Variants in CAMK1D observed in about 807,000 individuals in gnomAD.
CAMK1D encodes calcium/calmodulin dependent protein kinase ID.
In CAMK1D, 9 loss-of-function variants were observed where a neutral mutation model predicts 47.7. That is an observed-to-expected ratio of 0.19 (90% CI 0.11 to 0.33). The LOEUF is 0.33. Ranked by LOEUF, CAMK1D falls within the 10% of genes least tolerant of loss-of-function variation. CAMK1D has a pLI of 1.00. For missense variants in CAMK1D, 291 were observed against 488.7 expected (o/e 0.60, Z 3.81); for synonymous variants, 184 against 184.9 (o/e 0.99, Z 0.04).
chr10:12,501,096 G>A (rs777629514), intron 1 of CAMK1D, among the ~76,000 whole-genome samples: 3 of 152,210 alleles, frequency 2.0e-5, no homozygotes, highest in Admixed American at 6.5e-5. Flanking sequence ...ACTCCACCTC[G>A]CCCTCAACTC....
chr10:12,723,839 C>T (rs977564221), intron 3 of CAMK1D, among the ~76,000 whole-genome samples: 1 of 152,016 alleles, frequency 6.6e-6, no homozygotes, highest in African/African-American at 2.4e-5. Flanking sequence ...ATACATGTGC[C>T]ATGTTGGTGT....
chr10:12,599,117 G>A (rs11818444), intron 2 of CAMK1D, among the ~76,000 whole-genome samples: 5 of 152,202 alleles, frequency 3.3e-5, no homozygotes, highest in Admixed American at 6.5e-5. Flanking sequence ...CCAATAACTC[G>A]CATATAATGA....
chr10:12,591,960 A>G (rs773228935), intron 2 of CAMK1D, among the ~76,000 whole-genome samples: 4 of 152,080 alleles, frequency 2.6e-5, no homozygotes, highest in Non-Finnish European at 5.9e-5. Context: ...CCAAAGTGCT[A>G]GGATTACAGG....
At chr10:12,396,232 C>T (rs1449486783) in intron 1 of CAMK1D, among the ~76,000 whole-genome samples, 4 of 152,162 alleles carry the variant, frequency 2.6e-5, no homozygotes, top group Non-Finnish European at 5.9e-5. Flanking sequence ...TAACTCGGAG[C>T]AGCAGTGAAT....
intron 2 of CAMK1D, among the ~76,000 whole-genome samples, chr10:12,621,016 G>T (rs1260094974): frequency 2.6e-5 from 4 of 152,210 alleles, no homozygotes; most frequent in African/African-American, 9.7e-5. Context: ...TGTTGCCCCA[G>T]TTGTTCCAGC....
intron 1 of CAMK1D, among the ~76,000 whole-genome samples, chr10:12,366,403 C>T (rs575640518): frequency 6.6e-6 from 1 of 152,184 alleles, no homozygotes; most frequent in South Asian, 2.1e-4. Flanking sequence ...ACCTGTAATC[C>T]TAGCACTTTG....
At chr10:12,586,859 T>G (rs1435310284) in intron 2 of CAMK1D, among the ~76,000 whole-genome samples, 1 of 152,228 alleles carries the variant, frequency 6.6e-6, no homozygotes, top group Non-Finnish European at 1.5e-5. Context: ...GTTCCCATAC[T>G]TATTTTTTTG....
chr10:12,590,803 T>G (rs906190953), intron 2 of CAMK1D, among the ~76,000 whole-genome samples: 5 of 152,178 alleles, frequency 3.3e-5, no homozygotes, highest in Non-Finnish European at 4.4e-5. Context: ...CTGTTTATTT[T>G]GGAGATGAAC....
At chr10:12,430,343 C>T (rs767799776) in intron 1 of CAMK1D, among the ~76,000 whole-genome samples, 3 of 152,234 alleles carry the variant, frequency 2.0e-5, no homozygotes, top group Admixed American at 6.5e-5. Flanking sequence ...CTGACCAGCC[C>T]TGCTGGTAGG....
intron 1 of CAMK1D, among the ~76,000 whole-genome samples, chr10:12,476,524 A>G (rs567421004): frequency 6.6e-6 from 1 of 152,286 alleles, no homozygotes; most frequent in South Asian, 2.1e-4. Flanking sequence ...TGAAATAAAG[A>G]TACCGTATAA....
rs182831912 is a variant in CAMK1D, at chr10:12,834,629, C to T, written c.*5742C>T. Reference sequence around the variant, plus strand: ...TTTTGTCTCCGGGGAACTTCTCATTCGATTATTATGTCTTCTGATGATTTG... The same window carrying T: ...TTTTGTCTCCGGGGAACTTCTCATTTGATTATTATGTCTTCTGATGATTTG... On this transcript the variant is annotated 3_prime_UTR_variant, in exon 11 of 11. Coordinates refer to ENST00000619168, the MANE Select transcript of CAMK1D (RefSeq NM_153498.4). 9 of 151,892 alleles carry T rather than the reference C, an allele frequency of 5.9e-5. No individual in the cohort carries two copies. The East Asian group carries it at 1.7e-3, about 29-fold the overall frequency. 9.4% of individuals were successfully genotyped at this position (151,892 alleles called of 1,614,324 possible). A position where few individuals can be genotyped will look rare whatever the true frequency, so the allele number is the denominator to read the frequency against.
rs558945018 is a variant in CAMK1D, at chr10:12,577,212, A to C, written c.224+23856A>C. ...GGACAAGCCCAGGGGAGGTCCCCGG[A>C]CACACAGCGAAAATTCCTGGCTGGT... On this transcript the variant is annotated intron_variant, in intron 2 of 10. Transcript: ENST00000619168. 1.7e-3 allele frequency among the ~76,000 whole-genome samples: 266 copies of C among 152,286 alleles called. 2 individuals carry two copies. Among genetic ancestry groups the C allele is most frequent in the African/African-American group, 5.5e-3 (227 of 41,564 alleles).
chr10:12,616,870 G>GGT (rs1838841313), intron 2 of CAMK1D, among the ~76,000 whole-genome samples: 1 of 152,158 alleles, frequency 6.6e-6, no homozygotes, highest in South Asian at 2.1e-4. Flanking sequence ...CGGGAACCGA[G>GGT]GTGGTCTCTG....
chr10:12,720,064 G>A (rs1242690370), intron 3 of CAMK1D, among the ~76,000 whole-genome samples: 1 of 152,216 alleles, frequency 6.6e-6, no homozygotes, highest in African/African-American at 2.4e-5. Flanking sequence ...ACCAAGGACT[G>A]GTCCAAGGAC....
intron 5 of CAMK1D, among the ~76,000 whole-genome samples, chr10:12,778,234 T>A (rs1325870638): frequency 6.6e-6 from 1 of 152,224 alleles, no homozygotes. Context: ...TGACTTCAAT[T>A]TAAATGAGCT....
rs1832482569 is a variant in CAMK1D at position 12,431,702 on chromosome 10, C to G, written c.92+81792C>G. On this transcript the variant is annotated intron_variant, in intron 1 of 10. Transcript: ENST00000619168. ...CCTGCTTTAATAAAGCCTCTGATCT[C>G]ACCCGCATGACCCGGTCTGACTTTT... 3.9e-5 allele frequency among the ~76,000 whole-genome samples: 6 copies of G among 152,230 alleles called. No homozygotes were observed. In the South Asian group the frequency reaches 1.2e-3, roughly 32 times the overall value.
chr10:12,677,849 A>G (rs1840863757), intron 3 of CAMK1D, among the ~76,000 whole-genome samples: 1 of 152,106 alleles, frequency 6.6e-6, no homozygotes, highest in South Asian at 2.1e-4. Context: ...GTCAGTGGTA[A>G]TGTGACATCT....
At chr10:12,626,462 A>C (rs1301244835) in intron 2 of CAMK1D, among the ~76,000 whole-genome samples, 1 of 143,372 alleles carries the variant, frequency 7.0e-6, no homozygotes, top group East Asian at 2.1e-4. Flanking sequence ...GTATTCACCA[A>C]TTTTCTTTCT....
intron 3 of CAMK1D, among the ~76,000 whole-genome samples, chr10:12,745,470 C>A (rs1483023204): frequency 1.3e-5 from 2 of 152,238 alleles, no homozygotes. Context: ...TTGGACAGTT[C>A]AACAATTCTG....
Sources: allele counts gnomAD v4.1 joint callset (sites outside exome capture counted in the v4.1 genomes callset), GRCh38; gene constraint gnomAD v4.1.1; transcripts MANE v1.5; gene names NCBI Gene and HGNC (gene_info 2026-07-23, HGNC 2026-07-21).